Variants in PATJ observed in about 807,000 individuals in gnomAD.
The protein encoded by PATJ is PATJ crumbs cell polarity complex component.
In PATJ, 190 loss-of-function variants were observed where a neutral mutation model predicts 224.9. That is an observed-to-expected ratio of 0.84 (90% CI 0.75 to 0.95). The LOEUF (loss-of-function observed/expected upper bound fraction) is 0.95. PATJ is among the 40% of genes least tolerant of loss of function. The pLI is 0.00. For synonymous variants in PATJ, 769 were observed against 820.3 expected (o/e 0.94, Z 1.07); for missense variants, 2,121 against 2,270.3 (o/e 0.93, Z 1.34).
intron 33 of PATJ, among the ~76,000 whole-genome samples, chr1:62,098,377 G>GA (rs904688848): frequency 2.9e-4 from 43 of 148,472 alleles, no homozygotes; most frequent in Admixed American, 1.0e-3. Flanking sequence ...AAAGAAAAAA[G>GA]AAAAAAAAGA....
In PATJ at chr1:62,148,249, T is replaced by C. The variant is rs1159077591; in HGVS notation, c.5272-35T>C. 2.8e-6 allele frequency: 4 copies of C among 1,443,452 alleles called. No individual in the cohort carries two copies. In the Admixed American group the frequency reaches 6.7e-5, roughly 24 times the overall value. 89.4% of individuals were successfully genotyped at this position (1,443,452 alleles called of 1,614,324 possible). ...TGGTTTCTCTAATTCTCCCCTTCTT[T>C]ATAATGAAATACCTTTTTTTCACTT... On this transcript the variant is annotated intron_variant, in intron 41 of 43. Coordinates refer to ENST00000642238, the MANE Select transcript of PATJ (RefSeq NM_001350145.3).
intron 25 of PATJ, among the ~76,000 whole-genome samples, chr1:61,912,559 C>A (rs1237010282): frequency 6.6e-6 from 1 of 151,126 alleles, no homozygotes; most frequent in Admixed American, 6.6e-5. Flanking sequence ...ACTGCAGTGG[C>A]CACTGCACTC....
intron 41 of PATJ, among the ~76,000 whole-genome samples, chr1:62,132,536 T>TAA (rs200662503): frequency 0.012 from 1,873 of 151,846 alleles, 45 homozygotes; most frequent in African/African-American, 0.043. Context: ...TTTTAGGGAG[T>TAA]AAGAATCTGT....
At chr1:61,980,054 T>C (rs1249380282) in intron 27 of PATJ, among the ~76,000 whole-genome samples, 3 of 152,048 alleles carry the variant, frequency 2.0e-5, no homozygotes, top group Non-Finnish European at 4.4e-5. Context: ...AGAGTTACCT[T>C]CCTGCCTCTG....
intron 29 of PATJ, among the ~76,000 whole-genome samples, chr1:62,028,996 C>CATACATAT (rs373687469): frequency 6.6e-6 from 1 of 151,888 alleles, no homozygotes; most frequent in Non-Finnish European, 1.5e-5. Context: ...TACATACATA[C>CATACATAT]ACGTATACCA....
chr1:62,043,075 A>G (rs963683544), intron 30 of PATJ, among the ~76,000 whole-genome samples: 8 of 152,168 alleles, frequency 5.3e-5, no homozygotes, highest in Non-Finnish European at 1.2e-4. Flanking sequence ...AAGAATTCTG[A>G]CTATGTGGGT....
chr1:62,143,797 A>G (rs556845020), intron 41 of PATJ, among the ~76,000 whole-genome samples: 2 of 152,238 alleles, frequency 1.3e-5, no homozygotes, highest in East Asian at 1.9e-4. Context: ...GGGAATGTAC[A>G]TGCTGTCACT....
chr1:61,861,467 T>C (rs759435225), intron 18 of PATJ, 84 bp from the exon 19 acceptor site: 3 of 665,584 alleles, frequency 4.5e-6, no homozygotes, highest in East Asian at 6.0e-5. Flanking sequence ...GTGCATTAGG[T>C]ATTTGTCCTA....
At chr1:62,127,008 C>G (rs1372517791) in intron 39 of PATJ, among the ~76,000 whole-genome samples, 1 of 151,980 alleles carries the variant, frequency 6.6e-6, no homozygotes, top group Non-Finnish European at 1.5e-5. Flanking sequence ...GGTAGTCAGC[C>G]TAAATAACAA....
intron 33 of PATJ, among the ~76,000 whole-genome samples, chr1:62,107,691 A>C (rs1272835039): frequency 1.3e-5 from 2 of 152,122 alleles, no homozygotes; most frequent in Non-Finnish European, 2.9e-5. Flanking sequence ...TATTACTTGA[A>C]TCCTATACGT....
At chr1:61,962,348 A>C (rs1195124477) in intron 27 of PATJ, among the ~76,000 whole-genome samples, 1 of 152,252 alleles carries the variant, frequency 6.6e-6, no homozygotes, top group Admixed American at 6.5e-5. Context: ...GGCAGAAGGC[A>C]TGTAATTTGG....
chr1:61,776,132 A>G (rs901458937), intron 7 of PATJ, among the ~76,000 whole-genome samples: 4 of 152,134 alleles, frequency 2.6e-5, no homozygotes, highest in South Asian at 2.1e-4. Flanking sequence ...TCTGATCACT[A>G]TTGCTTCACC....
At chr1:61,828,105 T>C (rs527877271) in intron 16 of PATJ, among the ~76,000 whole-genome samples, 1 of 152,086 alleles carries the variant, frequency 6.6e-6, no homozygotes, top group African/African-American at 2.4e-5. Flanking sequence ...TAGCCAGGCA[T>C]GGTGGCGCAT....
chr1:61,932,985 T>C (rs1436330470), intron 27 of PATJ, among the ~76,000 whole-genome samples: 1 of 152,238 alleles, frequency 6.6e-6, no homozygotes, highest in Admixed American at 6.5e-5. Flanking sequence ...GAGTTTGGTA[T>C]GTAATGGGCA....
At chr1:61,808,288 C>T (rs899297473) in intron 13 of PATJ, among the ~76,000 whole-genome samples, 186 bp from the exon 14 acceptor site, 2 of 151,776 alleles carry the variant, frequency 1.3e-5, no homozygotes, top group African/African-American at 2.4e-5. Flanking sequence ...AGAACAACAA[C>T]AAAAAAATCA....
At chr1:62,082,627 C>A (rs963067406) in intron 32 of PATJ, among the ~76,000 whole-genome samples, 1 of 152,096 alleles carries the variant, frequency 6.6e-6, no homozygotes, top group Non-Finnish European at 1.5e-5. Context: ...GCCACACAAC[C>A]GCTATTGCAG....
chr1:62,049,665 A>G (rs1032130825), intron 30 of PATJ, among the ~76,000 whole-genome samples: 1 of 152,242 alleles, frequency 6.6e-6, no homozygotes, highest in African/African-American at 2.4e-5. Context: ...AATTCAATTG[A>G]GGAGATGCCT....
chr1:62,125,838 C>T (rs1336741385), intron 39 of PATJ, among the ~76,000 whole-genome samples: 2 of 152,062 alleles, frequency 1.3e-5, no homozygotes, highest in African/African-American at 2.4e-5. Context: ...GGTGCAATCT[C>T]GGCTCACTGA....
At chr1:61,771,910 C>T (rs750381116) in intron 6 of PATJ, among the ~76,000 whole-genome samples, 5 of 151,744 alleles carry the variant, frequency 3.3e-5, no homozygotes, top group South Asian at 4.2e-4. Flanking sequence ...TTAGTAGAGA[C>T]GGGGTTTCAT....
Sources: allele counts gnomAD v4.1 joint callset (sites outside exome capture counted in the v4.1 genomes callset), GRCh38; gene constraint gnomAD v4.1.1; transcripts MANE v1.5; gene names NCBI Gene and HGNC (gene_info 2026-07-23, HGNC 2026-07-21).